The following NUP214 variants were observed in gnomAD, a reference collection of about 807,000 sequenced individuals.
The protein encoded by NUP214 is nucleoporin 214.
In NUP214, 79 loss-of-function variants were observed where a neutral mutation model predicts 196.2. That is an observed-to-expected ratio of 0.40 (90% CI 0.34 to 0.49). The LOEUF is 0.49. Ranked by LOEUF, NUP214 falls within the 20% of genes least tolerant of loss-of-function variation. The probability of loss-of-function intolerance (pLI) is 0.58; values close to 1 mark genes in which losing one functional copy is unlikely to be tolerated. For missense variants in NUP214, 2,468 were observed against 2,539.0 expected (o/e 0.97, Z 0.60); for synonymous variants, 1,020 against 990.5 (o/e 1.03, Z -0.56).
intron 21 of NUP214, among the ~76,000 whole-genome samples, chr9:131,171,324 T>C (rs1008844147): frequency 1.3e-5 from 2 of 152,214 alleles, no homozygotes; most frequent in African/African-American, 4.8e-5. Flanking sequence ...ACATAGTTAT[T>C]CCAGTGTCTC....
chr9:131,154,025 C>T (rs1832355295), intron 17 of NUP214, among the ~76,000 whole-genome samples: 1 of 152,164 alleles, frequency 6.6e-6, no homozygotes, highest in Admixed American at 6.5e-5. Flanking sequence ...ATTGGGAGGG[C>T]ATTCCAAAGA....
At chr9:131,127,946 T>A (rs932967047) in intron 2 of NUP214, among the ~76,000 whole-genome samples, 36 of 152,336 alleles carry the variant, frequency 2.4e-4, no homozygotes, top group African/African-American at 8.7e-4. Context: ...ACTTAACCAT[T>A]ATGCCATGCT....
chr9:131,200,008 G>A (rs1365671955), intron 29 of NUP214, among the ~76,000 whole-genome samples: 1 of 152,144 alleles, frequency 6.6e-6, no homozygotes, highest in Non-Finnish European at 1.5e-5. Flanking sequence ...GAAATGTGCT[G>A]ACTTGGTCCA....
intron 31 of NUP214, among the ~76,000 whole-genome samples, chr9:131,218,173 A>G (rs1236093778): frequency 6.6e-6 from 1 of 152,266 alleles, no homozygotes; most frequent in Non-Finnish European, 1.5e-5. Flanking sequence ...GTGATTTTGA[A>G]GGAGTAGAGG....
At chr9:131,159,258 T>C (rs1049237511) in intron 17 of NUP214, 125 bp from the exon 18 acceptor site, 12 of 675,768 alleles carry the variant, frequency 1.8e-5, no homozygotes, top group African/African-American at 3.6e-5. Flanking sequence ...AAACCTATTC[T>C]GTTTTCCTTG....
Position 131,146,245 on chromosome 9 carries a change from C to G in NUP214, c.1886C>G (p.Pro629Arg). ...TCTGGACCACTCAGCCACCCCACAC[C>G]TCTCTCAGCACCACCTAGTTCCGTG... ...AASGPLSHPT[P>R]LSAPPSSVPL... is the part of the protein sequence containing the mutation. The change falls in exon 13 of 36, where the codon CCT becomes CGT. Residue 629 changes from proline (P) to arginine (R), a missense_variant. By Grantham distance (103) the Pro-to-Arg change is moderately radical (BLOSUM62 -2). Coordinates refer to ENST00000359428, the MANE Select transcript of NUP214 (RefSeq NM_005085.4). The surrounding 1 kb of genome is among the most constrained non-coding windows in gnomAD (Gnocchi z 4.6). 1.2e-6 allele frequency: 2 copies of G among 1,614,160 alleles called. No individual in the cohort carries two copies. The highest frequency in any genetic ancestry group is 1.7e-6 in the Non-Finnish European group (2 of 1,180,026).
In NUP214 at chr9:131,233,499, C is replaced by G; in HGVS notation, c.*12C>G. ...GCTGGCGAAGCTGAGGGCGTGTCAG[C>G]AGGCCTTTCGATCCCTGGGACCAAC... is the stretch of plus-strand genomic sequence containing the variant. On this transcript the variant is annotated 3_prime_UTR_variant, in exon 36 of 36. Transcript: ENST00000359428. The G allele has an allele frequency of 6.2e-7, 1 of 1,613,748 alleles. No homozygotes were observed. Among genetic ancestry groups the G allele is most frequent in the Non-Finnish European group, 8.5e-7 (1 of 1,179,846 alleles).
rs776040143 is a variant in NUP214, at chr9:131,151,878, G to C, written c.2420G>C (p.Ser807Thr). The change falls in exon 17 of 36, where the codon AGT becomes ACT. Residue 807 changes from serine to threonine, a missense_variant. Around this residue, in one of 5 missense-constraint regions of NUP214, gnomAD observed 1,801 missense variants for 1,779.4 expected, o/e 1.01. Coordinates refer to ENST00000359428, the MANE Select transcript of NUP214 (RefSeq NM_005085.4). ...LLYKRPLDPK[S>T]EAQLQEIRRL... Reference sequence around the variant, plus strand: ...TATAAAAGACCACTGGATCCCAAGAGTGAAGCTCAGCTTCAGGTAGGAGAT... The same window carrying C: ...TATAAAAGACCACTGGATCCCAAGACTGAAGCTCAGCTTCAGGTAGGAGAT... 10 of 1,610,102 alleles carry C rather than the reference G, an allele frequency of 6.2e-6. No individual in the cohort carries two copies. In the South Asian group the frequency reaches 7.8e-5, roughly 12 times the overall value.
At chr9:131,196,532 G>C (rs1021489445) in intron 28 of NUP214, among the ~76,000 whole-genome samples, 1 of 152,094 alleles carries the variant, frequency 6.6e-6, no homozygotes, top group Non-Finnish European at 1.5e-5. Flanking sequence ...TATTTCCTGC[G>C]ATCTTTGTAA....
At chr9:131,194,525 C>T (rs1469313571) in intron 27 of NUP214, among the ~76,000 whole-genome samples, 1 of 152,102 alleles carries the variant, frequency 6.6e-6, no homozygotes, top group South Asian at 2.1e-4. Flanking sequence ...GCCACCATGC[C>T]TGGCCTGAGT....
At chr9:131,141,889 T>C (rs938670103) in intron 11 of NUP214, 1 of 152,236 alleles carries the variant, frequency 6.6e-6, no homozygotes, top group African/African-American at 2.4e-5. Flanking sequence ...TTTCTTCTAT[T>C]ATGACCAGTT....
At chr9:131,171,073 C>T (rs920359313) in intron 21 of NUP214, among the ~76,000 whole-genome samples, 3 of 151,698 alleles carry the variant, frequency 2.0e-5, no homozygotes, top group Admixed American at 6.6e-5. Context: ...TTCAGTGGGA[C>T]GCTCTTTCTA....
intron 8 of NUP214, chr9:131,135,245 C>A: frequency 2.3e-6 from 1 of 426,938 alleles, no homozygotes; most frequent in East Asian, 3.6e-5. Flanking sequence ...GCCACCACAC[C>A]TGGCTTATTT....
rs968179687 is a variant in NUP214 at position 131,232,583 on chromosome 9, G to A, written c.6239+275G>A. ...CCAGTGAGCTGGGCCTGAGGGCAGC[G>A]CTGAGGAGATGCTGCTCCTGACTTC... On this transcript the variant is annotated intron_variant, in intron 35 of 35. Coordinates refer to ENST00000359428, the MANE Select transcript of NUP214 (RefSeq NM_005085.4). This position sits in a 1 kb window ranked among gnomAD's most constrained non-coding sequence, Gnocchi z 5.1. 47 of 542,960 alleles carry A rather than the reference G, an allele frequency of 8.7e-5. No individual in the cohort carries two copies. Among genetic ancestry groups the A allele is most frequent in the Admixed American group, 4.1e-4 (13 of 32,068 alleles). The allele number at this position is 542,960 out of a possible 1,614,324, so 33.6% of individuals were successfully genotyped here. A position where few individuals can be genotyped will look rare whatever the true frequency, so the allele number is the denominator to read the frequency against.
chr9:131,166,144 GA>G (rs1201494043), intron 21 of NUP214, among the ~76,000 whole-genome samples: 4 of 152,040 alleles, frequency 2.6e-5, no homozygotes, highest in Non-Finnish European at 5.9e-5. Context: ...TTAAAAATTG[GA>G]AAAAAGATTT....
chr9:131,178,531 A>AG, intron 24 of NUP214, 121 bp downstream of exon 24: 3 of 680,300 alleles, frequency 4.4e-6, no homozygotes, highest in South Asian at 3.7e-5. Flanking sequence ...TTAGGTTATA[A>AG]GGGGGGTGGC....
At chr9:131,130,027 G>A (rs1831482375) in intron 4 of NUP214, among the ~76,000 whole-genome samples, 1 of 151,842 alleles carries the variant, frequency 6.6e-6, no homozygotes, top group Non-Finnish European at 1.5e-5. Flanking sequence ...TGTTTTTTGG[G>A]AATAATTGTT....
rs1346911007 is a variant in NUP214 at position 131,234,625 on chromosome 9, T to G, written c.*1138T>G. The stretch of plus-strand genomic sequence containing the variant: ...GAGTTTTACATATTGGCAGGTTGTA[T>G]TTTTTTAATGTTTTAATAAAAGTTT... On this transcript the variant is annotated 3_prime_UTR_variant, in exon 36 of 36. Coordinates refer to ENST00000359428, the MANE Select transcript of NUP214 (RefSeq NM_005085.4). 2 of 226,134 alleles carry G rather than the reference T, an allele frequency of 8.8e-6. No individual in the cohort carries two copies. The highest frequency in any genetic ancestry group is 1.8e-5 in the Non-Finnish European group (2 of 113,744). The allele number at this position is 226,134 out of a possible 1,614,324, so 14.0% of individuals were successfully genotyped here. A position where few individuals can be genotyped will look rare whatever the true frequency, so the allele number is the denominator to read the frequency against.
chr9:131,192,117 G>T, intron 26 of NUP214, 91 bp from the exon 27 acceptor site: 1 of 852,404 alleles, frequency 1.2e-6, no homozygotes, highest in South Asian at 1.9e-5. Flanking sequence ...CTCACAGGCT[G>T]AGCTACAGGG....
Sources: allele counts gnomAD v4.1 joint callset (sites outside exome capture counted in the v4.1 genomes callset), GRCh38; gene constraint gnomAD v4.1.1; regional missense constraint gnomAD v4.1.1; non-coding constraint Gnocchi (gnomAD v3.1); transcripts MANE v1.5; gene names NCBI Gene and HGNC (gene_info 2026-07-23, HGNC 2026-07-21).